The following MORN1 variants were observed in gnomAD, a reference collection of about 807,000 sequenced individuals.
MORN1 encodes the protein MORN repeat-containing protein 1.
In MORN1, 67 loss-of-function variants were observed where a neutral mutation model predicts 61.9. The ratio of observed to expected loss-of-function variants is 1.08; its 90% CI spans 0.89 to 1.33. The LOEUF (loss-of-function observed/expected upper bound fraction) is 1.33. Among genes scored for constraint, MORN1 ranks in the 40% most tolerant of loss-of-function variants. The probability of loss-of-function intolerance (pLI) is 0.00; values close to 1 mark genes in which losing one functional copy is unlikely to be tolerated. For missense variants in MORN1, 752 were observed against 691.2 expected, an observed-to-expected ratio of 1.09 and a Z score of -0.99; for synonymous variants, 301 against 292.0, an observed-to-expected ratio of 1.03 and a Z score of -0.31.
intron 8 of MORN1, among the ~76,000 whole-genome samples, chr1:2,359,243 G>C (rs767104277): frequency 2.0e-5 from 3 of 152,122 alleles, no homozygotes; most frequent in Non-Finnish European, 2.9e-5. Flanking sequence ...ACCTTGACCC[G>C]GGGGGATGGG....
intron 10 of MORN1, among the ~76,000 whole-genome samples, chr1:2,348,777 G>A (rs981967518): frequency 1.1e-4 from 15 of 137,542 alleles, no homozygotes; most frequent in Non-Finnish European, 1.5e-4. Flanking sequence ...GCGCAGGCAC[G>A]CACACACACG....
At chr1:2,352,619 G>A (rs1357200633) in intron 10 of MORN1, 1 of 152,392 alleles carries the variant, frequency 6.6e-6, no homozygotes, top group Non-Finnish European at 1.5e-5. Context: ...CTTTGTCCCA[G>A]GTGGGTGTTC....
At chr1:2,345,218 G>C (rs989986490) in intron 10 of MORN1, among the ~76,000 whole-genome samples, 1 of 152,220 alleles carries the variant, frequency 6.6e-6, no homozygotes, top group Non-Finnish European at 1.5e-5. Context: ...AGGCATGGGC[G>C]GTCCCCAGGC....
In MORN1 at chr1:2,340,957, G is replaced by A. The variant is rs373407445; in HGVS notation, c.1037-4107C>T. On this transcript the variant is annotated intron_variant, in intron 10 of 13. Transcript: ENST00000378531. ...AAACATGGGGCCCATAGTGCAGACC[G>A]TGATACCAGCCACGAGACCACGACG... Among the ~76,000 whole-genome samples, 31 of 152,376 alleles carry A rather than the reference G, an allele frequency of 2.0e-4. No homozygotes were observed. In the East Asian group the frequency reaches 2.7e-3, roughly 13 times the overall value.
chr1:2,326,285 G>C (rs925039420), intron 12 of MORN1: 2 of 152,278 alleles, frequency 1.3e-5, no homozygotes, highest in African/African-American at 2.4e-5. Context: ...AGACACAGGA[G>C]TGCGGGCGAG....
chr1:2,385,627 C>A (rs1254580420), intron 5 of MORN1, 180 bp downstream of exon 5: 3 of 567,024 alleles, frequency 5.3e-6, no homozygotes, highest in Non-Finnish European at 9.4e-6. Context: ...AGAATAACAC[C>A]GAAACCACAG....
At position 2,321,439 on chromosome 1, in the gene MORN1, A is replaced by G; in HGVS notation, c.1438T>C (p.Ser480Pro). 2 of 1,541,664 alleles carry G rather than the reference A, an allele frequency of 1.3e-6. No individual in the cohort carries two copies. The highest frequency in any genetic ancestry group is 8.8e-7 in the Non-Finnish European group (1 of 1,142,806). Residue 480 changes from serine to proline, a missense_variant, in exon 14 of 14, where the codon TCA becomes CCA. Ser to Pro is a moderately conservative substitution (Grantham distance 74). Transcript: ENST00000378531. ...PHVLEEGPEA[S>P]SSWQAAHSCT... ...CTGTGGGCGGCCTGCCAGCTGCTTG[A>G]GGCTTCAGGGCCTTCTTCCAGGACA...
chr1:2,358,728 A>G lies in MORN1; in HGVS notation c.746-13T>C. On this transcript the variant is annotated splice_polypyrimidine_tract_variant and intron_variant, in intron 8 of 13. Transcript: ENST00000378531. Reference sequence around the variant, plus strand: ...CGGCCGCTCTCGCCTTCCAGGAGAGAGGAGCAGGCAGTGAACACTCACAGG... The same window carrying G: ...CGGCCGCTCTCGCCTTCCAGGAGAGGGGAGCAGGCAGTGAACACTCACAGG... The G allele has an allele frequency of 6.2e-7, 1 of 1,602,270 alleles. No homozygotes were observed. The highest frequency in any genetic ancestry group is 8.5e-7 in the Non-Finnish European group (1 of 1,173,690).
intron 10 of MORN1, among the ~76,000 whole-genome samples, chr1:2,342,872 T>TTTATTTTATTTTA (rs1553211088): frequency 1.2e-5 from 1 of 85,728 alleles, no homozygotes; most frequent in Non-Finnish European, 2.4e-5. Context: ...ATTTTATTTA[T>TTTATTTTATTTTA]TTTATTTTAT....
chr1:2,341,182 G>A (rs1054089287), intron 10 of MORN1, among the ~76,000 whole-genome samples: 1 of 152,156 alleles, frequency 6.6e-6, no homozygotes, highest in Non-Finnish European at 1.5e-5. Context: ...CTTCCCCTTT[G>A]TGGATCTGTC....
rs187404371 is a variant in MORN1 at position 2,347,975 on chromosome 1, G to A, written c.1036+9457C>T. Among the ~76,000 whole-genome samples the A allele has an allele frequency of 3.5e-3, 530 of 152,290 alleles. 6 individuals are homozygous for A. The highest frequency in any genetic ancestry group is 0.012 in the African/African-American group (504 of 41,556). On this transcript the variant is annotated intron_variant, in intron 10 of 13. Transcript: ENST00000378531. Reference sequence around the variant, plus strand: ...CAAACCGGGAAGTTTTTCGCCTCACGTAACCCAGCACAGCCGTCCCGGGGC... The same window carrying A: ...CAAACCGGGAAGTTTTTCGCCTCACATAACCCAGCACAGCCGTCCCGGGGC...
intron 10 of MORN1, chr1:2,355,239 T>TATC: frequency 7.1e-7 from 1 of 1,413,052 alleles, no homozygotes; most frequent in Non-Finnish European, 9.3e-7. Flanking sequence ...GAACTGCTTC[T>TATC]ATCAACTGAG....
At chr1:2,323,469 G>A (rs984308617) in intron 13 of MORN1, 44 of 985,256 alleles carry the variant, frequency 4.5e-5, no homozygotes, top group South Asian at 1.4e-4. Flanking sequence ...AGTCAGCCGC[G>A]GTGCCCAGGT....
chr1:2,323,362 G>T (rs1378582896), intron 13 of MORN1: 22 of 985,312 alleles, frequency 2.2e-5, no homozygotes, highest in South Asian at 4.7e-5. Context: ...AGACCTTCCA[G>T]CCTTTGGCTC....
intron 10 of MORN1, chr1:2,352,000 C>G (rs1641660215): frequency 1.9e-6 from 1 of 513,516 alleles, no homozygotes; most frequent in South Asian, 1.8e-5. Context: ...GGAATGAGAC[C>G]CCCTCCACCA....
At chr1:2,364,968 G>A (rs879791908) in intron 8 of MORN1, among the ~76,000 whole-genome samples, 128 of 152,332 alleles carry the variant, frequency 8.4e-4, no homozygotes, top group Admixed American at 2.4e-3. Flanking sequence ...CTGTAGCCTT[G>A]TAGTATAGTT....
At chr1:2,371,014 G>C (rs1642107237) in intron 8 of MORN1, among the ~76,000 whole-genome samples, 1 of 151,630 alleles carries the variant, frequency 6.6e-6, no homozygotes, top group Admixed American at 6.6e-5. Flanking sequence ...GACCATCCTG[G>C]CCAACACGGT....
At chr1:2,336,044 G>A (rs1040660980) in intron 12 of MORN1, among the ~76,000 whole-genome samples, 28 of 152,176 alleles carry the variant, frequency 1.8e-4, no homozygotes, top group African/African-American at 6.3e-4. Context: ...CCGCCTGCAC[G>A]TGCCGCGGTG....
rs577582829 is a variant in MORN1 at position 2,334,729 on chromosome 1, C to T, written c.1250+1740G>A. On this transcript the variant is annotated intron_variant, in intron 12 of 13. Transcript: ENST00000378531. The surrounding 1 kb of genome is among the most constrained non-coding windows in gnomAD (Gnocchi z 5.4). ...TGGGATTGAAACAATCCTAGTCCAA[C>T]GACACTTAACTCGAGGACAGTGCGA... Among the ~76,000 whole-genome samples, 14 of 152,350 alleles carry T rather than the reference C, an allele frequency of 9.2e-5. No homozygotes were observed. Among genetic ancestry groups the T allele is most frequent in the South Asian group, 4.1e-4 (2 of 4,834 alleles).
Sources: gnomAD v4.1 joint callset for allele counts (sites outside exome capture counted in the v4.1 genomes callset) on GRCh38, gnomAD v4.1.1 for gene constraint, Gnocchi (gnomAD v3.1) non-coding constraint, MANE v1.5 for transcripts, NCBI Gene and HGNC (gene_info 2026-07-23, HGNC 2026-07-21) for gene names.